Variants in GLRA3 observed in about 807,000 individuals in gnomAD.
GLRA3 encodes glycine receptor alpha 3, also known as glycine receptor subunit alpha-3.
In GLRA3, 44 loss-of-function variants were observed where a neutral mutation model predicts 60.4. The observed-to-expected ratio is 0.73, with a 90% CI of 0.57 to 0.94. GLRA3 has a LOEUF of 0.94. GLRA3 is among the 40% of genes least tolerant of loss of function. The probability of loss-of-function intolerance (pLI) is 0.00; values close to 1 mark genes in which losing one functional copy is unlikely to be tolerated. For synonymous variants in GLRA3, 223 were observed against 192.9 expected (o/e 1.16, Z -1.29); for missense variants, 508 against 564.6 (o/e 0.90, Z 1.02).
At position 174,820,912 on chromosome 4, in the gene GLRA3, A is replaced by T. The variant is rs546345572; in HGVS notation, c.71+7829T>A. On this transcript the variant is annotated intron_variant, in intron 1 of 9. Coordinates refer to ENST00000274093, the MANE Select transcript of GLRA3 (RefSeq NM_006529.4). ...GTTAGCTGACAATCATTTTTTTTTT[A>T]AATTTCATAGTAACATTACTGTCAG... Among the ~76,000 whole-genome samples, 53 of 149,578 alleles carry T rather than the reference A, an allele frequency of 3.5e-4. No individual in the cohort carries two copies. In the Middle Eastern group the frequency reaches 0.014, roughly 39 times the overall value.
chr4:174,776,635 C>T (rs1472574678), intron 2 of GLRA3, among the ~76,000 whole-genome samples: 1 of 151,934 alleles, frequency 6.6e-6, no homozygotes, highest in Non-Finnish European at 1.5e-5. Flanking sequence ...ACAGAAATAA[C>T]CAATTTTTTT....
At chr4:174,696,639 G>A (rs78695343) in intron 5 of GLRA3, among the ~76,000 whole-genome samples, 4,303 of 151,968 alleles carry the variant, frequency 0.028, 190 homozygotes, top group African/African-American at 0.097. Context: ...TTATATCCAT[G>A]AGATTAGATA....
rs1009349239 is a variant in GLRA3, at chr4:174,828,889, A to G, written c.-78T>C. ...AACCAGAAAGACAGAATGAAAATGT[A>G]CAATCTAACCCCGCATGGTGTTGGT... On this transcript the variant is annotated 5_prime_UTR_variant, in exon 1 of 10. Transcript: ENST00000274093. The G allele has an allele frequency of 9.1e-6, 9 of 988,444 alleles. No homozygotes were observed. The highest frequency in any genetic ancestry group is 7.9e-5 in the African/African-American group (5 of 63,232). 61.2% of individuals were successfully genotyped at this position (988,444 alleles called of 1,614,324 possible). A position where few individuals can be genotyped will look rare whatever the true frequency, so the allele number is the denominator to read the frequency against.
intron 1 of GLRA3, among the ~76,000 whole-genome samples, chr4:174,794,487 A>G (rs1739481725): frequency 6.6e-6 from 1 of 152,138 alleles, no homozygotes. Context: ...ACACGCACAC[A>G]CACACATACA....
intron 1 of GLRA3, among the ~76,000 whole-genome samples, chr4:174,824,615 G>C (rs547554090): frequency 6.6e-6 from 1 of 152,204 alleles, no homozygotes; most frequent in South Asian, 2.1e-4. Flanking sequence ...AACTGAATTT[G>C]ACAGTCACCT....
chr4:174,675,064 C>T (rs1734060892), intron 7 of GLRA3, among the ~76,000 whole-genome samples: 1 of 152,136 alleles, frequency 6.6e-6, no homozygotes, highest in South Asian at 2.1e-4. Flanking sequence ...CCTGACTTAT[C>T]TTGAATTCTA....
At chr4:174,667,470 T>C (rs1356681975) in intron 7 of GLRA3, among the ~76,000 whole-genome samples, 1 of 152,124 alleles carries the variant, frequency 6.6e-6, no homozygotes, top group Non-Finnish European at 1.5e-5. Flanking sequence ...AAGCTGTCAA[T>C]TAATTAGGGT....
At chr4:174,700,819 C>T (rs915019256) in intron 5 of GLRA3, among the ~76,000 whole-genome samples, 1 of 152,148 alleles carries the variant, frequency 6.6e-6, no homozygotes, top group Non-Finnish European at 1.5e-5. Context: ...TAAGCCTAAA[C>T]CAAATCTACA....
At chr4:174,645,144 T>C (rs989634423) in intron 9 of GLRA3, among the ~76,000 whole-genome samples, 2 of 152,144 alleles carry the variant, frequency 1.3e-5, no homozygotes, top group Non-Finnish European at 2.9e-5. Context: ...CTGGGCATAG[T>C]GGCTCATGCC....
intron 9 of GLRA3, among the ~76,000 whole-genome samples, chr4:174,648,518 C>G (rs1374687484): frequency 1.3e-5 from 2 of 152,160 alleles, no homozygotes; most frequent in Non-Finnish European, 2.9e-5. Context: ...GACTGATGCT[C>G]TCACTGCTGT....
chr4:174,803,322 T>C (rs932440593), intron 1 of GLRA3, among the ~76,000 whole-genome samples: 1 of 152,152 alleles, frequency 6.6e-6, no homozygotes, highest in Non-Finnish European at 1.5e-5. Context: ...TGCAGCTAAT[T>C]AACTCACTGA....
chr4:174,724,783 CT>C (rs1736259378), intron 4 of GLRA3, among the ~76,000 whole-genome samples: 1 of 152,098 alleles, frequency 6.6e-6, no homozygotes, highest in African/African-American at 2.4e-5. Context: ...GATATATTCC[CT>C]GGGTACAAGA....
At chr4:174,646,482 G>T (rs182588987) in intron 9 of GLRA3, among the ~76,000 whole-genome samples, 2 of 152,068 alleles carry the variant, frequency 1.3e-5, no homozygotes, top group Non-Finnish European at 2.9e-5. Flanking sequence ...AATTGGAGTC[G>T]GCCTTTTTTA....
intron 4 of GLRA3, among the ~76,000 whole-genome samples, chr4:174,721,167 T>C (rs955370494): frequency 6.6e-6 from 1 of 152,024 alleles, no homozygotes; most frequent in Non-Finnish European, 1.5e-5. Flanking sequence ...TAGCTGAGAT[T>C]ACAGGCATGC....
At chr4:174,753,788 C>T (rs1737576606) in intron 3 of GLRA3, among the ~76,000 whole-genome samples, 1 of 152,046 alleles carries the variant, frequency 6.6e-6, no homozygotes, top group Admixed American at 6.6e-5. Context: ...ATATCTTTGC[C>T]ATTACATTTA....
At chr4:174,687,042 A>C (rs1465236819) in intron 5 of GLRA3, among the ~76,000 whole-genome samples, 1 of 152,156 alleles carries the variant, frequency 6.6e-6, no homozygotes, top group Non-Finnish European at 1.5e-5. Flanking sequence ...AACCATAATA[A>C]GACATTTGCC....
intron 9 of GLRA3, among the ~76,000 whole-genome samples, chr4:174,650,767 A>G (rs1254394776): frequency 1.3e-5 from 2 of 152,204 alleles, no homozygotes; most frequent in Non-Finnish European, 2.9e-5. Context: ...TGGGCCAATG[A>G]TGGACCCTGC....
intron 5 of GLRA3, among the ~76,000 whole-genome samples, chr4:174,713,948 CCT>C (rs940953199): frequency 2.0e-5 from 3 of 152,120 alleles, no homozygotes; most frequent in African/African-American, 2.4e-5. Flanking sequence ...CTTCTCATCC[CCT>C]GTTCCCTTTC....
intron 5 of GLRA3, among the ~76,000 whole-genome samples, chr4:174,694,815 C>T (rs6832114): frequency 0.42 from 64,482 of 151,726 alleles, 14,202 homozygotes; most frequent in Middle Eastern, 0.54. Flanking sequence ...ATTAATAAAA[C>T]ATAGGCCACT....
Sources: allele counts gnomAD v4.1 joint callset (sites outside exome capture counted in the v4.1 genomes callset), GRCh38; gene constraint gnomAD v4.1.1; transcripts MANE v1.5; gene names NCBI Gene and HGNC (gene_info 2026-07-23, HGNC 2026-07-21).